The following RNF222 variants were observed in gnomAD, a reference collection of about 807,000 sequenced individuals.
The protein encoded by RNF222 is ring finger protein 222, also known as RING finger protein LOC643904.
In RNF222, 14 loss-of-function variants were observed where a neutral mutation model predicts 10.8. That is an observed-to-expected ratio of 1.30 (90% CI 0.86 to 2.03). RNF222 has a LOEUF of 2.03. Ranked by LOEUF, RNF222 falls within the 30% of genes most tolerant of loss-of-function variation. The probability of loss-of-function intolerance (pLI) is 0.00; values close to 1 mark genes in which losing one functional copy is unlikely to be tolerated. For missense variants in RNF222, 298 were observed against 295.8 expected, an observed-to-expected ratio of 1.01 and a Z score of -0.06; for synonymous variants, 141 against 142.5, an observed-to-expected ratio of 0.99 and a Z score of 0.07.
chr17:8,395,547 CT>C (rs922457943), intron 1 of RNF222, among the ~76,000 whole-genome samples: 1 of 152,144 alleles, frequency 6.6e-6, no homozygotes, highest in African/African-American at 2.4e-5. Flanking sequence ...TTGGAGACCC[CT>C]GTCACAGCTC....
Position 8,393,246 on chromosome 17 carries a change from C to T in RNF222, c.216G>A (p.Lys72=). 6.4e-7 allele frequency: 1 copy of T among 1,551,208 alleles called. No individual in the cohort carries two copies. The change falls in exon 3 of 3, where the codon AAG becomes AAA. Residue 72 remains lysine, a synonymous_variant. Transcript: ENST00000399398. ...GCATGGAGGGCCAGCGGGAGCTCTT[C>T]TTGCTGAGGAATGTGACGTAGCGGC... ...PICRYVTFLS[K]KSSRWPSMLD...
chr17:8,392,550 A>G lies in RNF222; in HGVS notation c.*249T>C, dbSNP rs1380108399. On this transcript the variant is annotated 3_prime_UTR_variant, in exon 3 of 3. Transcript: ENST00000399398. This position sits in a 1 kb window ranked among gnomAD's most constrained non-coding sequence, Gnocchi z 4.3. ...CAGTGACCACCCATCTTCCCAGCCT[A>G]GAGGAAGGGGAACGCATCTGCTGAG... 2.9e-5 allele frequency: 15 copies of G among 514,358 alleles called. No individual in the cohort carries two copies. The allele number at this position is 514,358 out of a possible 1,614,324, so 31.9% of individuals were successfully genotyped here.
intron 1 of RNF222, among the ~76,000 whole-genome samples, chr17:8,397,053 T>C (rs528447497): frequency 2.0e-5 from 3 of 152,270 alleles, no homozygotes; most frequent in African/African-American, 7.2e-5. Flanking sequence ...AGCGACCATT[T>C]ATTGAATCCT....
rs1266679747 is a variant in RNF222 at position 8,393,466 on chromosome 17, A to G, written c.-5T>C. 1 of 1,545,166 alleles carries G rather than the reference A, an allele frequency of 6.5e-7. No individual in the cohort carries two copies. The highest frequency in any genetic ancestry group is 8.7e-7 in the Non-Finnish European group (1 of 1,143,704). On this transcript the variant is annotated 5_prime_UTR_variant, in exon 3 of 3. Coordinates refer to ENST00000399398, the MANE Select transcript of RNF222 (RefSeq NM_001146684.3). ...CTTGCTCTCCCCTTCTGACATGGCC[A>G]CTGGGAGATGGCACGCTCAGCTGTG...
chr17:8,395,084 C>T (rs186523178), intron 1 of RNF222, among the ~76,000 whole-genome samples: 139 of 152,356 alleles, frequency 9.1e-4, no homozygotes, highest in African/African-American at 3.3e-3. Context: ...CTGTTAAGAT[C>T]ACAAATCTTT....
chr17:8,393,349 C>T lies in RNF222; in HGVS notation c.113G>A (p.Cys38Tyr). 2 of 1,551,668 alleles carry T rather than the reference C, an allele frequency of 1.3e-6. No homozygotes were observed. Residue 38 changes from cysteine (C) to tyrosine (Y), a missense_variant, in exon 3 of 3, where the codon TGC (cysteine) becomes TAC (tyrosine). By Grantham distance (194) the Cys-to-Tyr change is radical. Coordinates refer to ENST00000399398, the MANE Select transcript of RNF222 (RefSeq NM_001146684.3). ...CAGGTACTTGACCAGGCAGTCATGG[C>T]AGAACACATGGCCACAGCTCAGCGT... ...SRTLSCGHVF[C>Y]HDCLVKYLLS... is the part of the protein sequence containing the mutation.
rs1207213442 is a variant in RNF222, at chr17:8,393,011, CAA to C, written c.449_450del (p.Phe150CysfsTer81). 2.0e-6 allele frequency: 3 copies of C among 1,503,708 alleles called. No individual in the cohort carries two copies. The highest frequency in any genetic ancestry group is 2.7e-6 in the Non-Finnish European group (3 of 1,131,714). The allele number at this position is 1,503,708 out of a possible 1,614,324, so 93.1% of individuals were successfully genotyped here. A position where few individuals can be genotyped will look rare whatever the true frequency, so the allele number is the denominator to read the frequency against. On this transcript the variant is annotated frameshift_variant, in exon 3 of 3. Coordinates refer to ENST00000399398, the MANE Select transcript of RNF222 (RefSeq NM_001146684.3). LOFTEE classifies it high-confidence loss of function. ...LPSLPRESQI[F>X]VISRHGMPLG... Reference sequence around the variant, plus strand: ...AGGGGCATCCCGTGGCGGCTGATGACAAAGATCTGTGACTCCCGGGGCAGGCT... The same window carrying C: ...AGGGGCATCCCGTGGCGGCTGATGACAGATCTGTGACTCCCGGGGCAGGCT...
At chr17:8,397,518 C>G (rs1484403134) in intron 1 of RNF222, among the ~76,000 whole-genome samples, 177 bp downstream of exon 1, 1 of 152,172 alleles carries the variant, frequency 6.6e-6, no homozygotes, top group African/African-American at 2.4e-5. Flanking sequence ...AGCCCCAGTG[C>G]AAGGTCCTAT....
Position 8,393,478 on chromosome 17 carries a change from C to A in RNF222, c.-17G>T. On this transcript the variant is annotated 5_prime_UTR_variant, in exon 3 of 3. Coordinates refer to ENST00000399398, the MANE Select transcript of RNF222 (RefSeq NM_001146684.3). The stretch of plus-strand genomic sequence containing the variant: ...TTCTGACATGGCCACTGGGAGATGG[C>A]ACGCTCAGCTGTGGACGGGAAGGGT... 6.5e-7 allele frequency: 1 copy of A among 1,539,202 alleles called. No individual in the cohort carries two copies. The highest frequency in any genetic ancestry group is 1.2e-5 in the South Asian group (1 of 82,360).
chr17:8,394,749 G>A (rs2151683909), intron 1 of RNF222, among the ~76,000 whole-genome samples: 1 of 152,304 alleles, frequency 6.6e-6, no homozygotes, highest in Non-Finnish European at 1.5e-5. Flanking sequence ...CCACAAGATG[G>A]GTTTTAAACA....
At chr17:8,394,473 T>C (rs975684543) in intron 1 of RNF222, 144 bp from the exon 2 acceptor site, 2 of 150,912 alleles carry the variant, frequency 1.3e-5, no homozygotes, top group African/African-American at 4.9e-5. Context: ...AGTTTTGCTC[T>C]GTCGCCCAGT....
chr17:8,394,921 A>G (rs1907993376), intron 1 of RNF222, among the ~76,000 whole-genome samples: 1 of 152,228 alleles, frequency 6.6e-6, no homozygotes, highest in African/African-American at 2.4e-5. Context: ...CAGCTTCTTT[A>G]AAAAGAACCA....
rs887426191 is a variant in RNF222, at chr17:8,392,631, G to T, written c.*168C>A. On this transcript the variant is annotated 3_prime_UTR_variant, in exon 3 of 3. Coordinates refer to ENST00000399398, the MANE Select transcript of RNF222 (RefSeq NM_001146684.3). This position sits in a 1 kb window ranked among gnomAD's most constrained non-coding sequence, Gnocchi z 4.3. ...TGGAGTCAGCTCCAGCCTCTCTGTC[G>T]AGCGGAAGCCCCTGCGGGGGTCGGG... is the stretch of plus-strand genomic sequence containing the variant. The T allele has an allele frequency of 3.8e-6, 3 of 787,076 alleles. No individual in the cohort carries two copies. Among genetic ancestry groups the T allele is most frequent in the Admixed American group, 3.0e-5 (1 of 33,024 alleles). The allele number at this position is 787,076 out of a possible 1,614,324, so 48.8% of individuals were successfully genotyped here.
intron 1 of RNF222, among the ~76,000 whole-genome samples, chr17:8,394,685 G>A (rs111694990): frequency 0.13 from 19,819 of 152,180 alleles, 1,602 homozygotes; most frequent in East Asian, 0.35. Flanking sequence ...TGATCCGCCC[G>A]CCTCGGCTGG....
rs1162919389 is a variant in RNF222, at chr17:8,392,960, G to T, written c.502C>A (p.Arg168Ser). The T allele has an allele frequency of 1.3e-6, 2 of 1,516,090 alleles. No homozygotes were observed. Among genetic ancestry groups the T allele is most frequent in the South Asian group, 2.5e-5 (2 of 80,256 alleles). 93.9% of individuals were successfully genotyped at this position (1,516,090 alleles called of 1,614,324 possible). A position where few individuals can be genotyped will look rare whatever the true frequency, so the allele number is the denominator to read the frequency against. Residue 168 changes from arginine to serine, a missense_variant, in exon 3 of 3, where the codon CGC becomes AGC. Arg to Ser is a moderately radical substitution (Grantham distance 110). Transcript: ENST00000399398. This position sits in a 1 kb window ranked among gnomAD's most constrained non-coding sequence, Gnocchi z 4.3. ...TCCGAGAGCTCTGCCAGGCTGCGGC[G>T]GGGCAGCACGCTGTCCTGCTCCCCC... is the stretch of plus-strand genomic sequence containing the variant. Reference protein sequence around the residue: ...PLGEQDSVLPRRSLAELSEAS... With the variant: ...PLGEQDSVLPSRSLAELSEAS...
At chr17:8,395,464 T>C (rs928674076) in intron 1 of RNF222, among the ~76,000 whole-genome samples, 3 of 152,120 alleles carry the variant, frequency 2.0e-5, no homozygotes, top group African/African-American at 7.2e-5. Context: ...TGGCTCAGAG[T>C]AAGTGCTCAG....
At chr17:8,397,046 G>A (rs992565753) in intron 1 of RNF222, among the ~76,000 whole-genome samples, 1 of 152,054 alleles carries the variant, frequency 6.6e-6, no homozygotes, top group African/African-American at 2.4e-5. Flanking sequence ...TTACAACAGC[G>A]ACCATTTATT....
In RNF222 at chr17:8,392,703, C is replaced by A; in HGVS notation, c.*96G>T. On this transcript the variant is annotated 3_prime_UTR_variant, in exon 3 of 3. Transcript: ENST00000399398. The surrounding 1 kb of genome is among the most constrained non-coding windows in gnomAD (Gnocchi z 4.3). ...GCCCAGGTCCTCCCCTCTGCCTGCC[C>A]GCGTGCCCCTCGGAGCTTGGTGGCA... 1 of 1,415,912 alleles carries A rather than the reference C, an allele frequency of 7.1e-7. No individual in the cohort carries two copies. Among genetic ancestry groups the A allele is most frequent in the Middle Eastern group, 2.5e-4 (1 of 3,954 alleles). 87.7% of individuals were successfully genotyped at this position (1,415,912 alleles called of 1,614,324 possible).
chr17:8,393,264 G>C lies in RNF222; in HGVS notation c.198C>G (p.Tyr66Ter), dbSNP rs192949616. The stretch of plus-strand genomic sequence containing the variant: ...AGCTCTTCTTGCTGAGGAATGTGAC[G>C]TAGCGGCAGATGGGGCAGACCAGGG... Reference protein sequence around the residue: ...QRTLVCPICRYVTFLSKKSSR... With the variant: ...QRTLVCPICR Residue 66 changes from tyrosine (Y) to a stop codon, truncating the protein, a stop_gained, in exon 3 of 3, where the codon TAC (tyrosine) becomes TAG (stop). Coordinates refer to ENST00000399398, the MANE Select transcript of RNF222 (RefSeq NM_001146684.3). LOFTEE classifies it high-confidence loss of function. 6.4e-7 allele frequency: 1 copy of C among 1,551,334 alleles called. No individual in the cohort carries two copies. The highest frequency in any genetic ancestry group is 8.7e-7 in the Non-Finnish European group (1 of 1,146,982).
Sources: allele counts gnomAD v4.1 joint callset (sites outside exome capture counted in the v4.1 genomes callset), GRCh38; gene constraint gnomAD v4.1.1; non-coding constraint Gnocchi (gnomAD v3.1); transcripts MANE v1.5; gene names NCBI Gene and HGNC (gene_info 2026-07-23, HGNC 2026-07-21).